HS6ST3: variants seen among roughly 807,000 people sequenced by gnomAD.
The protein encoded by HS6ST3 is heparan-sulfate 6-O-sulfotransferase 3.
HS6ST3 carries 12 observed loss-of-function variants against 36.7 expected under a neutral mutation model. The ratio of observed to expected loss-of-function variants is 0.33; its 90% confidence interval spans 0.21 to 0.53. HS6ST3 has a LOEUF of 0.53. Ranked by LOEUF, HS6ST3 falls within the 20% of genes least tolerant of loss-of-function variation. HS6ST3 has a pLI of 0.95. For missense variants in HS6ST3, 584 were observed against 640.9 expected, an observed-to-expected ratio of 0.91 and a Z score of 0.96; for synonymous variants, 240 against 257.5, an observed-to-expected ratio of 0.93 and a Z score of 0.65.
intron 1 of HS6ST3, among the ~76,000 whole-genome samples, chr13:96,162,024 A>G (rs1197394029): frequency 6.6e-6 from 1 of 152,180 alleles, no homozygotes; most frequent in African/African-American, 2.4e-5. Context: ...TTTATGAAGA[A>G]CCTACTTAAA....
chr13:96,284,622 C>T (rs1270795022), intron 1 of HS6ST3, among the ~76,000 whole-genome samples: 1 of 152,176 alleles, frequency 6.6e-6, no homozygotes, highest in Non-Finnish European at 1.5e-5. Context: ...TCTCCTTTGG[C>T]AACACCTCAC....
chr13:96,261,836 G>T (rs189220850), intron 1 of HS6ST3, among the ~76,000 whole-genome samples: 4 of 152,252 alleles, frequency 2.6e-5, no homozygotes, highest in Admixed American at 2.6e-4. Context: ...GAAATATGAA[G>T]ATAAAGGTAT....
chr13:96,432,498 C>CT (rs1459067248), intron 1 of HS6ST3, among the ~76,000 whole-genome samples: 1 of 152,104 alleles, frequency 6.6e-6, no homozygotes, highest in Non-Finnish European at 1.5e-5. Flanking sequence ...CAAAAGGGGT[C>CT]CCATATCACT....
chr13:96,193,797 G>A (rs987478473), intron 1 of HS6ST3, among the ~76,000 whole-genome samples: 6 of 152,146 alleles, frequency 3.9e-5, no homozygotes, highest in African/African-American at 1.2e-4. Context: ...GAGTAGTGAA[G>A]TTTCTTATGG....
intron 1 of HS6ST3, among the ~76,000 whole-genome samples, chr13:96,133,350 A>G (rs182672733): frequency 6.6e-5 from 10 of 150,618 alleles, no homozygotes; most frequent in Admixed American, 3.3e-4. Flanking sequence ...CTGGTCTTGA[A>G]CTCCTGACCT....
At chr13:96,297,214 A>G (rs1461002196) in intron 1 of HS6ST3, among the ~76,000 whole-genome samples, 2 of 152,098 alleles carry the variant, frequency 1.3e-5, no homozygotes, top group African/African-American at 4.8e-5. Context: ...TAATAAATAC[A>G]TAAGTCTTTA....
chr13:96,361,672 A>G (rs1317482551), intron 1 of HS6ST3, among the ~76,000 whole-genome samples: 5 of 152,174 alleles, frequency 3.3e-5, no homozygotes, highest in African/African-American at 1.2e-4. Flanking sequence ...GCTGGAAGCA[A>G]GTGAAAAACC....
chr13:96,318,976 A>T (rs1208287599), intron 1 of HS6ST3, among the ~76,000 whole-genome samples: 1 of 152,216 alleles, frequency 6.6e-6, no homozygotes. Flanking sequence ...TTATTAAGAT[A>T]TAGTTCATCC....
rs141875505 is a variant in HS6ST3 at position 96,384,410 on chromosome 13, C to T, written c.707+292841C>T. ...GAATGTCAAGTATGATTACTGAAAA[C>T]AAAAAGTTAGTGCCCATTAGTCTTG... On this transcript the variant is annotated intron_variant, in intron 1 of 1. Coordinates refer to ENST00000376705, the MANE Select transcript of HS6ST3 (RefSeq NM_153456.4). Among the ~76,000 whole-genome samples the T allele has an allele frequency of 1.6e-3, 248 of 152,196 alleles. 2 individuals carry two copies. The East Asian group carries it at 0.045, about 28-fold the overall frequency.
chr13:96,747,202 T>C lies in HS6ST3; in HGVS notation c.708-85288T>C, dbSNP rs552465033. Among the ~76,000 whole-genome samples the C allele has an allele frequency of 4.0e-4, 61 of 152,236 alleles. 1 individual carries two copies. Among genetic ancestry groups the C allele is most frequent in the Non-Finnish European group, 6.9e-4 (47 of 68,004 alleles). The stretch of plus-strand genomic sequence containing the variant: ...AGTGGCCCAGCTCTTTACCTCTCTA[T>C]TATCCCATTGCCATCTCAGAACACT... On this transcript the variant is annotated intron_variant, in intron 1 of 1. Coordinates refer to ENST00000376705, the MANE Select transcript of HS6ST3 (RefSeq NM_153456.4).
chr13:96,618,178 C>A (rs2056481381), intron 1 of HS6ST3, among the ~76,000 whole-genome samples: 1 of 152,166 alleles, frequency 6.6e-6, no homozygotes, highest in Admixed American at 6.5e-5. Flanking sequence ...TAGCTCACTG[C>A]AAGCTGGAAC....
chr13:96,780,260 G>C (rs1299106217), intron 1 of HS6ST3, among the ~76,000 whole-genome samples: 1 of 152,150 alleles, frequency 6.6e-6, no homozygotes, highest in Non-Finnish European at 1.5e-5. Flanking sequence ...AAGCACTTTT[G>C]GTGTTATGCC....
intron 1 of HS6ST3, among the ~76,000 whole-genome samples, chr13:96,262,357 A>G (rs1359130823): frequency 1.3e-5 from 2 of 152,170 alleles, no homozygotes; most frequent in East Asian, 1.9e-4. Context: ...AGAAGCATTA[A>G]AGTGGGAAAG....
At chr13:96,171,291 C>G (rs1301182599) in intron 1 of HS6ST3, among the ~76,000 whole-genome samples, 4 of 152,216 alleles carry the variant, frequency 2.6e-5, no homozygotes, top group African/African-American at 9.7e-5. Flanking sequence ...TCGACCCTTT[C>G]TCACCCCTCA....
chr13:96,720,008 G>C (rs1875803239), intron 1 of HS6ST3, among the ~76,000 whole-genome samples: 1 of 152,120 alleles, frequency 6.6e-6, no homozygotes, highest in Admixed American at 6.5e-5. Flanking sequence ...AAATTGCAGG[G>C]TGCATATATC....
intron 1 of HS6ST3, among the ~76,000 whole-genome samples, chr13:96,663,568 A>G (rs1793706203): frequency 6.6e-6 from 1 of 152,190 alleles, no homozygotes; most frequent in Admixed American, 6.5e-5. Flanking sequence ...ATGCAATGCT[A>G]CATCTACTTT....
intron 1 of HS6ST3, among the ~76,000 whole-genome samples, chr13:96,335,541 A>C (rs1056878891): frequency 6.6e-6 from 1 of 152,124 alleles, no homozygotes; most frequent in Admixed American, 6.5e-5. Context: ...ATAGGACTCT[A>C]CTTACTGCAT....
At chr13:96,299,594 A>G (rs2054871526) in intron 1 of HS6ST3, among the ~76,000 whole-genome samples, 1 of 152,150 alleles carries the variant, frequency 6.6e-6, no homozygotes, top group Non-Finnish European at 1.5e-5. Flanking sequence ...ATCCAGTGTC[A>G]AAAGGAAAGT....
intron 1 of HS6ST3, among the ~76,000 whole-genome samples, chr13:96,790,269 G>A (rs898100751): frequency 4.0e-5 from 3 of 74,850 alleles, no homozygotes; most frequent in Admixed American, 2.8e-4. Context: ...AAACACACAT[G>A]TACACACACA....
Sources: gnomAD v4.1 joint callset for allele counts (sites outside exome capture counted in the v4.1 genomes callset) on GRCh38, gnomAD v4.1.1 for gene constraint, MANE v1.5 for transcripts, NCBI Gene and HGNC (gene_info 2026-07-23, HGNC 2026-07-21) for gene names.